The following VAV2 variants were observed in gnomAD, a reference collection of about 807,000 sequenced individuals.
The protein encoded by VAV2 is guanine nucleotide exchange factor VAV2.
Under a neutral mutation model 132.5 loss-of-function variants are expected in VAV2, and 67 were observed. The observed-to-expected ratio is 0.51, with a 90% CI of 0.42 to 0.62. VAV2 has a LOEUF of 0.62. Among genes scored for constraint, VAV2 ranks in the 20% least tolerant of loss-of-function variants. VAV2 has a pLI of 0.00. For missense variants in VAV2, 938 were observed against 1,153.6 expected, an observed-to-expected ratio of 0.81 and a Z score of 2.71; for synonymous variants, 492 against 443.5, an observed-to-expected ratio of 1.11 and a Z score of -1.37.
rs1834291054 is a variant in VAV2, at chr9:133,787,847, TGGCCCCACCCCAGCAGCCACA to T, written c.1407+486_1407+506del. ...GCCACAGGCCCCACCCCTGCAGCCC[TGGCCCCACCCCAGCAGCCACA>T]GGCCCCAGCCAGCTACATGTAGAGT... On this transcript the variant is annotated intron_variant, in intron 15 of 29. Transcript: ENST00000371850. Among the ~76,000 whole-genome samples, 28 of 118,760 alleles carry T rather than the reference TGGCCCCACCCCAGCAGCCACA, an allele frequency of 2.4e-4. No homozygotes were observed. In the South Asian group the frequency reaches 8.0e-3, roughly 34 times the overall value. 77.9% of individuals were successfully genotyped at this position (118,760 alleles called of 152,430 possible).
rs903762967 is a variant in VAV2 at position 133,987,279 on chromosome 9, T to C, written c.204+4796A>G. 5.9e-5 allele frequency among the ~76,000 whole-genome samples: 9 copies of C among 151,950 alleles called. No individual in the cohort carries two copies. In the East Asian group the frequency reaches 1.5e-3, roughly 26 times the overall value. Reference sequence around the variant, plus strand: ...CGTGTGATGAAACAAAGAGTTTCATTACACGAGGCCAGAGAGAAACCTGGA... The same window carrying C: ...CGTGTGATGAAACAAAGAGTTTCATCACACGAGGCCAGAGAGAAACCTGGA... On this transcript the variant is annotated intron_variant, in intron 1 of 29. Coordinates refer to ENST00000371850, the MANE Select transcript of VAV2 (RefSeq NM_001134398.2).
At chr9:133,985,721 G>C (rs964326146) in intron 1 of VAV2, among the ~76,000 whole-genome samples, 5 of 152,216 alleles carry the variant, frequency 3.3e-5, no homozygotes, top group African/African-American at 1.2e-4. Context: ...TTACCAGCCA[G>C]AAAGTCAGGC....
chr9:133,960,145 CTG>C (rs1283618168), intron 1 of VAV2, among the ~76,000 whole-genome samples: 1 of 152,194 alleles, frequency 6.6e-6, no homozygotes, highest in Non-Finnish European at 1.5e-5. Flanking sequence ...GGAGAAAGAA[CTG>C]TGAAAAAGCA....
intron 2 of VAV2, among the ~76,000 whole-genome samples, chr9:133,910,018 C>A (rs12005023): frequency 0.19 from 29,536 of 152,000 alleles, 3,175 homozygotes; most frequent in Middle Eastern, 0.28. Context: ...ACGAGCTATG[C>A]CAGGCCATGT....
At chr9:133,973,221 T>A (rs1326229230) in intron 1 of VAV2, among the ~76,000 whole-genome samples, 3 of 152,144 alleles carry the variant, frequency 2.0e-5, no homozygotes, top group African/African-American at 7.2e-5. Context: ...CTGTCTGGCA[T>A]CTGGCCCGCC....
rs188387119 is a variant in VAV2, at chr9:133,840,515, T to C, written c.381-6175A>G. On this transcript the variant is annotated intron_variant, in intron 3 of 29. Transcript: ENST00000371850. This position sits in a 1 kb window ranked among gnomAD's most constrained non-coding sequence, Gnocchi z 4.5. Reference sequence around the variant, plus strand: ...TCAATTCTGGGCAGGACAATCACAGTCCCAGTGCTACAGCCAAATAAGTCA... The same window carrying C: ...TCAATTCTGGGCAGGACAATCACAGCCCCAGTGCTACAGCCAAATAAGTCA... 9.9e-5 allele frequency among the ~76,000 whole-genome samples: 15 copies of C among 151,994 alleles called. No homozygotes were observed. In the East Asian group the frequency reaches 2.9e-3, roughly 30 times the overall value.
chr9:133,890,144 G>A (rs925239887), intron 2 of VAV2, among the ~76,000 whole-genome samples: 6 of 152,220 alleles, frequency 3.9e-5, no homozygotes, highest in East Asian at 1.9e-4. Flanking sequence ...AGCACGGATC[G>A]TGCCAGCCTG....
chr9:133,807,643 G>A (rs919962813), intron 7 of VAV2, among the ~76,000 whole-genome samples: 19 of 152,206 alleles, frequency 1.2e-4, no homozygotes, highest in Non-Finnish European at 1.2e-4. Flanking sequence ...TTGCGGTGAG[G>A]GGCTGAGACC....
intron 1 of VAV2, among the ~76,000 whole-genome samples, chr9:133,953,221 G>A (rs1371388402): frequency 6.6e-6 from 1 of 152,104 alleles, no homozygotes; most frequent in Admixed American, 6.5e-5. Flanking sequence ...GGCTGCTGCT[G>A]GAAGGCGCTG....
intron 2 of VAV2, among the ~76,000 whole-genome samples, chr9:133,924,644 C>T (rs374955291): frequency 4.6e-5 from 7 of 152,286 alleles, no homozygotes; most frequent in South Asian, 4.1e-4. Flanking sequence ...GGCCAGTCAC[C>T]ACCAGCTCTT....
Position 133,788,230 on chromosome 9 carries a change from CA to C in VAV2, c.1407+123del. 1.2e-6 allele frequency: 1 copy of C among 809,530 alleles called. No homozygotes were observed. Among genetic ancestry groups the C allele is most frequent in the African/African-American group, 1.7e-5 (1 of 58,102 alleles). The allele number at this position is 809,530 out of a possible 1,614,324, so 50.1% of individuals were successfully genotyped here. On this transcript the variant is annotated intron_variant, in intron 15 of 29. Transcript: ENST00000371850. This position sits in a 1 kb window ranked among gnomAD's most constrained non-coding sequence, Gnocchi z 5.3. ...TCCTGCAGAGCGGAGACGCCCACCC[CA>C]ACCCACCCGGCCAGCATCAGCGGCT...
Position 133,921,795 on chromosome 9 carries a change from A to G in VAV2, c.321+17308T>C, listed in dbSNP as rs529133525. ...ACCCCTAGCCTAAGCAAGTATAAGA[A>G]ATCAACCGCGGATGAACTTGAGTTT... On this transcript the variant is annotated intron_variant, in intron 2 of 29. Coordinates refer to ENST00000371850, the MANE Select transcript of VAV2 (RefSeq NM_001134398.2). Among the ~76,000 whole-genome samples, 10 of 152,336 alleles carry G rather than the reference A, an allele frequency of 6.6e-5. No individual in the cohort carries two copies. The South Asian group carries it at 1.9e-3, about 28-fold the overall frequency.
chr9:133,875,777 G>A (rs533548549), intron 2 of VAV2, among the ~76,000 whole-genome samples: 6 of 152,142 alleles, frequency 3.9e-5, no homozygotes, highest in Non-Finnish European at 8.8e-5. Context: ...CTAATGCTAC[G>A]GCACCATCCT....
intron 4 of VAV2, among the ~76,000 whole-genome samples, chr9:133,831,122 G>A (rs1267856445): frequency 6.6e-6 from 1 of 152,116 alleles, no homozygotes; most frequent in Non-Finnish European, 1.5e-5. Flanking sequence ...TCACAATCAG[G>A]ACGGGCAGAG....
chr9:133,787,941 C>T (rs1323296581), intron 15 of VAV2, among the ~76,000 whole-genome samples: 1 of 152,364 alleles, frequency 6.6e-6, no homozygotes, highest in South Asian at 2.1e-4. Flanking sequence ...CTCCAAGCAC[C>T]GCAGGGTGGG....
Position 133,792,241 on chromosome 9 carries a change from C to CTG in VAV2, c.1102-374_1102-373dup, listed in dbSNP as rs1205138739. Among the ~76,000 whole-genome samples the CTG allele has an allele frequency of 1.9e-5, 2 of 103,998 alleles. 1 individual carries two copies. Among genetic ancestry groups the CTG allele is most frequent in the Admixed American group, 2.2e-4 (2 of 9,228 alleles). The allele number at this position is 103,998 out of a possible 152,430, so 68.2% of individuals were successfully genotyped here. On this transcript the variant is annotated intron_variant, in intron 12 of 29. Transcript: ENST00000371850. ...GTTGTGCTGGTTGGGGTGTGTGTGA[C>CTG]TGTGTGTATAAGCGGGCTGTACTGG...
chr9:133,944,826 G>A (rs1255077111), intron 1 of VAV2, among the ~76,000 whole-genome samples: 2 of 152,212 alleles, frequency 1.3e-5, no homozygotes, highest in Admixed American at 6.5e-5. Flanking sequence ...GCGTGGGGCC[G>A]GGCTGACCTT....
At chr9:133,897,356 G>T (rs1564446437) in intron 2 of VAV2, among the ~76,000 whole-genome samples, 2 of 152,112 alleles carry the variant, frequency 1.3e-5, no homozygotes, top group Non-Finnish European at 2.9e-5. Context: ...CCCAGGTAGG[G>T]AGCCTCACAT....
chr9:133,845,713 C>T (rs1171316873), intron 3 of VAV2, among the ~76,000 whole-genome samples: 2 of 152,238 alleles, frequency 1.3e-5, no homozygotes, highest in African/African-American at 4.8e-5. Flanking sequence ...CCATCCCCTG[C>T]CCATGGCAGG....
Sources: allele counts gnomAD v4.1 joint callset (sites outside exome capture counted in the v4.1 genomes callset), GRCh38; gene constraint gnomAD v4.1.1; non-coding constraint Gnocchi (gnomAD v3.1); transcripts MANE v1.5; gene names NCBI Gene and HGNC (gene_info 2026-07-23, HGNC 2026-07-21).